FAM83F: variants seen among roughly 807,000 people sequenced by gnomAD.
FAM83F encodes protein FAM83F.
Under a neutral mutation model 42.9 loss-of-function variants are expected in FAM83F, and 45 were observed. That is an observed-to-expected ratio of 1.05 (90% CI 0.83 to 1.35). FAM83F has a LOEUF of 1.35. Ranked by LOEUF, FAM83F falls within the 40% of genes most tolerant of loss-of-function variation. The probability of loss-of-function intolerance (pLI) is 0.00; values close to 1 mark genes in which losing one functional copy is unlikely to be tolerated. For synonymous variants in FAM83F, 306 were observed against 298.3 expected (o/e 1.03, Z -0.27); for missense variants, 617 against 695.9 (o/e 0.89, Z 1.28).
chr22:39,997,011 A>G (rs1229881726), intron 1 of FAM83F, among the ~76,000 whole-genome samples: 1 of 152,230 alleles, frequency 6.6e-6, no homozygotes. Context: ...CACTGTGTTA[A>G]TGACTCACCT....
intron 4 of FAM83F, among the ~76,000 whole-genome samples, chr22:40,025,387 C>G (rs1446495887): frequency 2.0e-5 from 3 of 151,934 alleles, no homozygotes; most frequent in African/African-American, 7.3e-5. Context: ...CCACTGCACT[C>G]CAGTCTGGAC....
rs552981943 is a variant in FAM83F, at chr22:40,021,938, C to T, written c.1428C>T (p.Asn476=). ...EVEFLTGKRP[N]ENSSADISGK... The stretch of plus-strand genomic sequence containing the variant: ...AGTTTCTGACGGGGAAGAGGCCCAA[C>T]GAGAATTCCAGTGCTGACATCTCAG... Residue 476 remains asparagine (N), a synonymous_variant, in exon 4 of 5, where the codon AAC becomes AAT. Transcript: ENST00000333407. The surrounding 1 kb of genome is among the most constrained non-coding windows in gnomAD (Gnocchi z 8.7). 14 of 1,571,156 alleles carry T rather than the reference C, an allele frequency of 8.9e-6. No homozygotes were observed. Among genetic ancestry groups the T allele is most frequent in the African/African-American group, 6.8e-5 (5 of 73,298 alleles).
rs2067368962 is a variant in FAM83F at position 39,995,381 on chromosome 22, C to T, written c.339C>T (p.Asp113=). The change falls in exon 1 of 5, where the codon GAC becomes GAT. Residue 113 remains aspartate, a synonymous_variant. Coordinates refer to ENST00000333407, the MANE Select transcript of FAM83F (RefSeq NM_138435.4). This position sits in a 1 kb window ranked among gnomAD's most constrained non-coding sequence, Gnocchi z 4.6. ...ESLAYWPDRS[D]TEVPPLDLGW... is the part of the protein sequence containing the mutation. ...TGGCCTACTGGCCCGACCGTTCCGA[C>T]ACCGAGGTGCCTCCTCTGGACCTGG... 6.5e-7 allele frequency: 1 copy of T among 1,546,792 alleles called. No individual in the cohort carries two copies. Among genetic ancestry groups the T allele is most frequent in the Non-Finnish European group, 8.7e-7 (1 of 1,146,712 alleles).
At chr22:40,022,075 G>A (rs1226219207) in intron 4 of FAM83F, 112 bp downstream of exon 4, 7 of 1,003,668 alleles carry the variant, frequency 7.0e-6, no homozygotes, top group Non-Finnish European at 9.8e-6. Context: ...GATTCCATCT[G>A]TGGGCACAGA....
chr22:39,995,599 T>TCC lies in FAM83F; in HGVS notation c.489+70_489+71dup. 6.9e-7 allele frequency: 1 copy of TCC among 1,453,236 alleles called. No homozygotes were observed. The highest frequency in any genetic ancestry group is 9.1e-7 in the Non-Finnish European group (1 of 1,100,418). The allele number at this position is 1,453,236 out of a possible 1,614,324, so 90.0% of individuals were successfully genotyped here. ...CCAGTCCCCTGGACCGGGCCCCACCTCCCAGGCAGGGCCCGGGGCAGGCCG... is the reference window on the plus strand; with the variant it reads ...CCAGTCCCCTGGACCGGGCCCCACCTCCCCCAGGCAGGGCCCGGGGCAGGCCG... On this transcript the variant is annotated intron_variant, in intron 1 of 4. Coordinates refer to ENST00000333407, the MANE Select transcript of FAM83F (RefSeq NM_138435.4). The surrounding 1 kb of genome is among the most constrained non-coding windows in gnomAD (Gnocchi z 4.6).
chr22:40,019,459 C>T (rs2067508262), intron 2 of FAM83F, 124 bp downstream of exon 2: 1 of 831,148 alleles, frequency 1.2e-6, no homozygotes, highest in South Asian at 1.7e-5. Context: ...AAGATCTCAA[C>T]ACCTTTCCTT....
rs770039552 is a variant in FAM83F at position 40,021,935 on chromosome 22, C to T, written c.1425C>T (p.Pro475=). 6.4e-7 allele frequency: 1 copy of T among 1,572,806 alleles called. No individual in the cohort carries two copies. Among genetic ancestry groups the T allele is most frequent in the South Asian group, 1.1e-5 (1 of 87,886 alleles). Residue 475 remains proline, a synonymous_variant, in exon 4 of 5, where the codon CCC becomes CCT. Transcript: ENST00000333407. The surrounding 1 kb of genome is among the most constrained non-coding windows in gnomAD (Gnocchi z 8.7). ...TGGAGTTTCTGACGGGGAAGAGGCC[C>T]AACGAGAATTCCAGTGCTGACATCT... ...SEVEFLTGKR[P]NENSSADISG...
At chr22:40,014,149 G>GTTTTTTTTTTTTTTTT (rs2067482365) in intron 1 of FAM83F, among the ~76,000 whole-genome samples, 1 of 44,216 alleles carries the variant, frequency 2.3e-5, no homozygotes, top group African/African-American at 8.2e-5. Context: ...TTTTTTTTTT[G>GTTTTTTTTTTTTTTTT]TCTTATTGCA....
rs566432869 is a variant in FAM83F, at chr22:40,043,020, T to G, written c.*13455T>G. ...TTAGAATTTGACGCACGATCTTTCT[T>G]CTGTCCTTCTTGCAGTTGCCCTAGG... On this transcript the variant is annotated 3_prime_UTR_variant, in exon 5 of 5. Coordinates refer to ENST00000333407, the MANE Select transcript of FAM83F (RefSeq NM_138435.4). 7 of 152,354 alleles carry G rather than the reference T, an allele frequency of 4.6e-5. No individual in the cohort carries two copies. Among genetic ancestry groups the G allele is most frequent in the Admixed American group, 2.6e-4 (4 of 15,310 alleles). The allele number at this position is 152,354 out of a possible 1,614,324, so 9.4% of individuals were successfully genotyped here. A position where few individuals can be genotyped will look rare whatever the true frequency, so the allele number is the denominator to read the frequency against.
intron 4 of FAM83F, among the ~76,000 whole-genome samples, chr22:40,025,660 C>G (rs2067547759): frequency 6.6e-6 from 1 of 152,140 alleles, no homozygotes; most frequent in Non-Finnish European, 1.5e-5. Flanking sequence ...CTGCAGTGAG[C>G]TGAGATCACA....
chr22:40,029,328 G>A (rs993829724), intron 4 of FAM83F, among the ~76,000 whole-genome samples, 188 bp from the exon 5 acceptor site: 4 of 152,124 alleles, frequency 2.6e-5, no homozygotes, highest in African/African-American at 9.7e-5. Context: ...GCTGAGACAG[G>A]CAGAATCTTC....
At chr22:40,016,112 G>T (rs1264755170) in intron 1 of FAM83F, among the ~76,000 whole-genome samples, 1 of 152,206 alleles carries the variant, frequency 6.6e-6, no homozygotes, top group Non-Finnish European at 1.5e-5. Context: ...TCAGGAGAGG[G>T]GGGGACAACC....
rs1460984579 is a variant in FAM83F at position 40,021,474 on chromosome 22, C to T, written c.964C>T (p.Leu322Phe). The change falls in exon 4 of 5, where the codon CTT becomes TTT. Residue 322 changes from leucine to phenylalanine, a missense_variant. Physicochemically the swap from Leu to Phe is conservative, Grantham distance 22 (BLOSUM62 0). Coordinates refer to ENST00000333407, the MANE Select transcript of FAM83F (RefSeq NM_138435.4). This position sits in a 1 kb window ranked among gnomAD's most constrained non-coding sequence, Gnocchi z 8.7. ...LHYSSTVARKLINPKYALVSG... is the reference protein window; with the variant it reads ...LHYSSTVARKFINPKYALVSG... ...TTACTCCTCCACTGTGGCTCGAAAGCTTATCAACCCCAAGTACGCCTTGGT... is the reference window on the plus strand; with the variant it reads ...TTACTCCTCCACTGTGGCTCGAAAGTTTATCAACCCCAAGTACGCCTTGGT... The T allele has an allele frequency of 6.2e-7, 1 of 1,602,580 alleles. No homozygotes were observed. The highest frequency in any genetic ancestry group is 1.3e-5 in the African/African-American group (1 of 74,684).
chr22:40,024,366 C>T (rs2067538890), intron 4 of FAM83F, among the ~76,000 whole-genome samples: 1 of 152,180 alleles, frequency 6.6e-6, no homozygotes, highest in South Asian at 2.1e-4. Context: ...AGTGGGGCTG[C>T]TTCAGTGTCT....
intron 1 of FAM83F, among the ~76,000 whole-genome samples, chr22:40,012,131 C>T (rs943231054): frequency 6.7e-6 from 1 of 148,808 alleles, no homozygotes. Flanking sequence ...TTCCTTTCAT[C>T]TCTTCTTTTC....
chr22:39,998,383 C>T (rs1212019314), intron 1 of FAM83F, among the ~76,000 whole-genome samples: 1 of 152,182 alleles, frequency 6.6e-6, no homozygotes, highest in Non-Finnish European at 1.5e-5. Context: ...TCCTGAATCA[C>T]AGACAGGAAA....
rs1357653016 is a variant in FAM83F at position 40,042,099 on chromosome 22, C to A, written c.*12534C>A. ...CTAGTCTCAAGCTCCTGGCCTCAAG[C>A]AATCCTTCCGCCTTGGCCTCTCAAA... On this transcript the variant is annotated 3_prime_UTR_variant, in exon 5 of 5. Transcript: ENST00000333407. 1 of 152,182 alleles carries A rather than the reference C, an allele frequency of 6.6e-6. No individual in the cohort carries two copies. Among genetic ancestry groups the A allele is most frequent in the Admixed American group, 6.5e-5 (1 of 15,274 alleles). 9.4% of individuals were successfully genotyped at this position (152,182 alleles called of 1,614,324 possible). A position where few individuals can be genotyped will look rare whatever the true frequency, so the allele number is the denominator to read the frequency against.
intron 4 of FAM83F, among the ~76,000 whole-genome samples, chr22:40,027,840 G>C (rs2067562793): frequency 6.6e-6 from 1 of 152,202 alleles, no homozygotes; most frequent in Non-Finnish European, 1.5e-5. Flanking sequence ...GGCTTGGGAA[G>C]CAGCTACCCC....
chr22:40,002,436 GGT>G, intron 1 of FAM83F, among the ~76,000 whole-genome samples: 1 of 152,188 alleles, frequency 6.6e-6, no homozygotes, highest in Non-Finnish European at 1.5e-5. Flanking sequence ...TCTGAGGATG[GGT>G]GTTTCCCAGA....
Sources: gnomAD v4.1 joint callset for allele counts (sites outside exome capture counted in the v4.1 genomes callset) on GRCh38, gnomAD v4.1.1 for gene constraint, Gnocchi (gnomAD v3.1) non-coding constraint, MANE v1.5 for transcripts, NCBI Gene and HGNC (gene_info 2026-07-23, HGNC 2026-07-21) for gene names.